Variants in COASY observed in about 807,000 individuals in gnomAD.
COASY encodes bifunctional coenzyme A synthase.
A neutral mutation model predicts 49.4 loss-of-function variants in COASY; 31 were observed. The ratio of observed to expected loss-of-function variants is 0.63; its 90% CI spans 0.47 to 0.85. COASY has a LOEUF of 0.85. COASY is among the 40% of genes least tolerant of loss of function. The probability of loss-of-function intolerance (pLI) is 0.00; values close to 1 mark genes in which losing one functional copy is unlikely to be tolerated. For synonymous variants in COASY, 285 were observed against 310.9 expected (o/e 0.92, Z 0.88); for missense variants, 730 against 734.1 (o/e 0.99, Z 0.06).
chr17:42,564,229 T>C (rs1407791275), intron 2 of COASY, 54 bp downstream of exon 2: 2 of 1,553,798 alleles, frequency 1.3e-6, no homozygotes, highest in East Asian at 4.5e-5. Context: ...GGGAAGGCCA[T>C]TTTGAGGGGG....
At position 42,564,896 on chromosome 17, in the gene COASY, C is replaced by T; in HGVS notation, c.1235C>T (p.Thr412Ile). 1 of 1,611,500 alleles carries T rather than the reference C, an allele frequency of 6.2e-7. No individual in the cohort carries two copies. Among genetic ancestry groups the T allele is most frequent in the Non-Finnish European group, 8.5e-7 (1 of 1,178,352 alleles). The change falls in exon 4 of 9, where the codon ACA (threonine) becomes ATA (isoleucine). Residue 412 changes from threonine to isoleucine, a missense_variant and splice_region_variant. Thr to Ile is a moderately conservative substitution (Grantham distance 89, BLOSUM62 -1). Coordinates refer to ENST00000393818, the MANE Select transcript of COASY (RefSeq NM_025233.7). ...CAGCCTGTGGTGGAGGCCTTTGGAA[C>T]AGGTAATAACTGGGGAAGGCTGAAA... The part of the protein sequence containing the change: ...AYQPVVEAFG[T>I]DILHKDGIIN...
chr17:42,564,435 C>G lies in COASY; in HGVS notation c.916-11C>G. On this transcript the variant is annotated splice_polypyrimidine_tract_variant and intron_variant, in intron 2 of 8. Coordinates refer to ENST00000393818, the MANE Select transcript of COASY (RefSeq NM_025233.7). ...TCCTTCCCTCTTTTTACCCTTTCCTCTTTACCCCAGGACCTGGAGGAACTT... is the reference window on the plus strand; with the variant it reads ...TCCTTCCCTCTTTTTACCCTTTCCTGTTTACCCCAGGACCTGGAGGAACTT... 1 of 1,613,992 alleles carries G rather than the reference C, an allele frequency of 6.2e-7. No individual in the cohort carries two copies. The highest frequency in any genetic ancestry group is 8.5e-7 in the Non-Finnish European group (1 of 1,179,966).
chr17:42,565,063 C>G lies in COASY; in HGVS notation c.1302+16C>G. ...TGGGAATAAGGTAAACAATAACTTCCTAAGGGCTCCTAAGCCGCTACTAGA... is the reference window on the plus strand; with the variant it reads ...TGGGAATAAGGTAAACAATAACTTCGTAAGGGCTCCTAAGCCGCTACTAGA... On this transcript the variant is annotated intron_variant, in intron 5 of 8. Transcript: ENST00000393818. 6.2e-7 allele frequency: 1 copy of G among 1,613,470 alleles called. No individual in the cohort carries two copies. Among genetic ancestry groups the G allele is most frequent in the Admixed American group, 1.7e-5 (1 of 60,026 alleles).
chr17:42,563,034 A>T lies in COASY; in HGVS notation c.412A>T (p.Thr138Ser). 3.1e-6 allele frequency: 5 copies of T among 1,614,150 alleles called. No individual in the cohort carries two copies. The highest frequency in any genetic ancestry group is 4.2e-6 in the Non-Finnish European group (5 of 1,180,028). The stretch of plus-strand genomic sequence containing the variant: ...CAAACAGCAGCTAGTGCGTTACGCC[A>T]CCAGCTGTTACAGCTGTTGTCCGCG... ...PVKQQLVRYA[T>S]SCYSCCPRLA... The change falls in exon 1 of 9, where the codon ACC becomes TCC. Residue 138 changes from threonine (T) to serine (S), a missense_variant. Transcript: ENST00000393818.
chr17:42,565,729 T>C lies in COASY; in HGVS notation c.1556T>C (p.Met519Thr). 1 of 1,613,922 alleles carries C rather than the reference T, an allele frequency of 6.2e-7. No individual in the cohort carries two copies. The highest frequency in any genetic ancestry group is 8.5e-7 in the Non-Finnish European group (1 of 1,180,014). Residue 519 changes from methionine to threonine, a missense_variant, in exon 8 of 9, where the codon ATG (methionine) becomes ACG (threonine). Met to Thr is a moderately conservative substitution (Grantham distance 81). Coordinates refer to ENST00000393818, the MANE Select transcript of COASY (RefSeq NM_025233.7). The part of the protein sequence containing the change: ...AAAQSRLQSQ[M>T]SGQQLVEQSH... ...GCTCAAAGCCGGCTGCAGAGCCAGA[T>C]GAGCGGGCAGCAGCTTGTGGAACAG...
rs754467146 is a variant in COASY at position 42,566,112 on chromosome 17, C to T, written c.*144C>T. On this transcript the variant is annotated 3_prime_UTR_variant, in exon 9 of 9. Coordinates refer to ENST00000393818, the MANE Select transcript of COASY (RefSeq NM_025233.7). ...AGGACATGGCCAGGCCTGGTGGACA[C>T]AGGAAGCCTACCCAACACGCTGGTA... is the stretch of plus-strand genomic sequence containing the variant. The T allele has an allele frequency of 9.7e-6, 8 of 822,826 alleles. No individual in the cohort carries two copies. Among genetic ancestry groups the T allele is most frequent in the Admixed American group, 2.4e-5 (1 of 42,116 alleles). 51.0% of individuals were successfully genotyped at this position (822,826 alleles called of 1,614,324 possible). A position where few individuals can be genotyped will look rare whatever the true frequency, so the allele number is the denominator to read the frequency against.
chr17:42,564,227 C>G (rs753302219), intron 2 of COASY, 52 bp downstream of exon 2: 1 of 1,559,160 alleles, frequency 6.4e-7, no homozygotes, highest in Non-Finnish European at 8.8e-7. Flanking sequence ...CGGGGAAGGC[C>G]ATTTTGAGGG....
At position 42,562,400 on chromosome 17, in the gene COASY, C is replaced by T. The variant is rs563959731; in HGVS notation, c.-223C>T. On this transcript the variant is annotated 5_prime_UTR_variant, in exon 1 of 9. Transcript: ENST00000393818. ...CGACTCAGTTCAGCGAAGTCACCGC[C>T]CCGTCTGAGAAATGAGGACACCAAG... 11 of 1,613,630 alleles carry T rather than the reference C, an allele frequency of 6.8e-6. No individual in the cohort carries two copies. The East Asian group carries it at 2.2e-4, about 33-fold the overall frequency.
rs370287461 is a variant in COASY at position 42,562,583 on chromosome 17, C to T, written c.-40C>T. 8 of 1,548,226 alleles carry T rather than the reference C, an allele frequency of 5.2e-6. No homozygotes were observed. The highest frequency in any genetic ancestry group is 1.4e-5 in the African/African-American group (1 of 72,796). The stretch of plus-strand genomic sequence containing the variant: ...CCTCGGCCGCAGGCCCTTCAGTCAC[C>T]GTCGCCTCGTCTCCCTGACTGTCCG... On this transcript the variant is annotated 5_prime_UTR_variant, in exon 1 of 9. Coordinates refer to ENST00000393818, the MANE Select transcript of COASY (RefSeq NM_025233.7).
At chr17:42,563,802 C>A in intron 1 of COASY, 159 bp from the exon 2 acceptor site, 1 of 611,860 alleles carries the variant, frequency 1.6e-6, no homozygotes, top group East Asian at 2.8e-5. Context: ...TGTTTCTTCA[C>A]CTTCATGCTC....
rs2092986526 is a variant in COASY at position 42,563,262 on chromosome 17, G to A, written c.640G>A (p.Ala214Thr). The A allele has an allele frequency of 2.5e-6, 4 of 1,610,502 alleles. No homozygotes were observed. The highest frequency in any genetic ancestry group is 2.2e-5 in the South Asian group (2 of 91,072). Residue 214 changes from alanine to threonine, a missense_variant, in exon 1 of 9, where the codon GCG becomes ACG. Coordinates refer to ENST00000393818, the MANE Select transcript of COASY (RefSeq NM_025233.7). Reference sequence around the variant, plus strand: ...CGCCCACAAGGTGTTGCTCAGTGTCGCGTGCATCCTGGCCCAGGAGCAGCT... The same window carrying A: ...CGCCCACAAGGTGTTGCTCAGTGTCACGTGCATCCTGGCCCAGGAGCAGCT... ...HNAHKVLLSV[A>T]CILAQEQLVV...
At chr17:42,565,439 C>T (rs1372762164) in intron 6 of COASY, 32 bp from the exon 7 acceptor site, 2 of 1,612,790 alleles carry the variant, frequency 1.2e-6, no homozygotes, top group South Asian at 2.2e-5. Context: ...AGAACGTCGG[C>T]ACTGCTGGCG....
In COASY at chr17:42,562,828, C is replaced by T. The variant is rs115390312; in HGVS notation, c.206C>T (p.Thr69Met). ...ACGTTTGAGGTTCTTGATTTCATCA[C>T]GCACCTCTATGCTGGCGCCGACGTC... ...QATFEVLDFI[T>M]HLYAGADVHR... The change falls in exon 1 of 9, where the codon ACG (threonine) becomes ATG (methionine). Residue 69 changes from threonine (T) to methionine (M), a missense_variant. Transcript: ENST00000393818. 1,187 of 1,613,102 alleles carry T rather than the reference C, an allele frequency of 7.4e-4. 1 individual carries two copies. The highest frequency in any genetic ancestry group is 9.6e-4 in the Non-Finnish European group (1,137 of 1,179,566).
chr17:42,564,375 G>A lies in COASY; in HGVS notation c.916-71G>A, dbSNP rs752004747. On this transcript the variant is annotated intron_variant, in intron 2 of 8. Transcript: ENST00000393818. ...CTGGGTAGGAAGGGGAGGATGGGGG[G>A]GCAGGTTGGATGTCAGGGTCTTCCT... 9 of 1,603,526 alleles carry A rather than the reference G, an allele frequency of 5.6e-6. No homozygotes were observed. The South Asian group carries it at 6.6e-5, about 12-fold the overall frequency.
At position 42,562,697 on chromosome 17, in the gene COASY, C is replaced by G. The variant is rs1416813529; in HGVS notation, c.75C>G (p.Ile25Met). 6.4e-7 allele frequency: 1 copy of G among 1,565,138 alleles called. No individual in the cohort carries two copies. The highest frequency in any genetic ancestry group is 8.7e-7 in the Non-Finnish European group (1 of 1,155,946). ...LASLAPRLAS[I>M]LTSAARLVNH... ...CCCTAGCCCCTCGCCTGGCCTCCAT[C>G]CTGACCTCGGCGGCCCGGCTGGTGA... Residue 25 changes from isoleucine (I) to methionine (M), a missense_variant, in exon 1 of 9, where the codon ATC becomes ATG. Physicochemically the swap from Ile to Met is conservative, Grantham distance 10 (BLOSUM62 1). Transcript: ENST00000393818.
chr17:42,565,500 G>C lies in COASY; in HGVS notation c.1417G>C (p.Val473Leu), dbSNP rs756864275. ...GKRVCVIDAAVLLEAGWQNLV... is the reference protein window; with the variant it reads ...GKRVCVIDAALLLEAGWQNLV... ...GCGTGTGTGTGTGATTGATGCCGCT[G>C]TGTTGCTTGAAGCCGGCTGGCAGAA... Residue 473 changes from valine (V) to leucine (L), a missense_variant, in exon 7 of 9, where the codon GTG (valine) becomes CTG (leucine). By Grantham distance (32) the Val-to-Leu change is conservative (BLOSUM62 1). Coordinates refer to ENST00000393818, the MANE Select transcript of COASY (RefSeq NM_025233.7). 148 of 1,614,136 alleles carry C rather than the reference G, an allele frequency of 9.2e-5. No homozygotes were observed. The highest frequency in any genetic ancestry group is 1.2e-4 in the Non-Finnish European group (142 of 1,180,050).
chr17:42,562,987 A>G lies in COASY; in HGVS notation c.365A>G (p.Asp122Gly), dbSNP rs1463049009. The change falls in exon 1 of 9, where the codon GAT (aspartate) becomes GGT (glycine). Residue 122 changes from aspartate (D) to glycine (G), a missense_variant. Transcript: ENST00000393818. ...EVVLTDFQTL[D>G]GSQYNPVKQQ... The stretch of plus-strand genomic sequence containing the variant: ...GTGTTGACAGATTTCCAGACCCTGG[A>G]TGGAAGCCAGTACAACCCGGTCAAA... 3 of 1,614,154 alleles carry G rather than the reference A, an allele frequency of 1.9e-6. No individual in the cohort carries two copies. Among genetic ancestry groups the G allele is most frequent in the Non-Finnish European group, 2.5e-6 (3 of 1,180,024 alleles).
intron 3 of COASY, 32 bp downstream of exon 3, chr17:42,564,609 G>A: frequency 6.3e-7 from 1 of 1,588,980 alleles, no homozygotes; most frequent in Non-Finnish European, 8.6e-7. Flanking sequence ...CCTCCTGCTT[G>A]GTGTCCTGGC....
At chr17:42,564,325 C>T in intron 2 of COASY, 121 bp from the exon 3 acceptor site, 1 of 1,509,582 alleles carries the variant, frequency 6.6e-7, no homozygotes, top group Non-Finnish European at 9.2e-7. Flanking sequence ...TCTCAGTTTG[C>T]CCGCTGAGTC....
Sources: allele counts gnomAD v4.1 joint callset, GRCh38; gene constraint gnomAD v4.1.1; transcripts MANE v1.5; gene names NCBI Gene and HGNC (gene_info 2026-07-23, HGNC 2026-07-21).